The following PTGES3 variants were observed in gnomAD, a reference collection of about 807,000 sequenced individuals.
PTGES3 encodes the protein prostaglandin E synthase 3.
In PTGES3, 5 loss-of-function variants were observed where a neutral mutation model predicts 29.9. That is an observed-to-expected ratio of 0.17 (90% CI 0.09 to 0.35). The LOEUF (loss-of-function observed/expected upper bound fraction) is 0.35, where lower values mean the gene tolerates loss of function less well. Ranked by LOEUF, PTGES3 falls within the 10% of genes least tolerant of loss-of-function variation. The pLI is 1.00. For missense variants in PTGES3, 128 were observed against 190.0 expected, an observed-to-expected ratio of 0.67 and a Z score of 1.92; for synonymous variants, 49 against 57.8, an observed-to-expected ratio of 0.85 and a Z score of 0.69.
At chr12:56,681,542 A>C (rs1336396079) in intron 1 of PTGES3, among the ~76,000 whole-genome samples, 1 of 141,952 alleles carries the variant, frequency 7.0e-6, no homozygotes, top group Non-Finnish European at 1.5e-5. Flanking sequence ...CATCTCAAAA[A>C]AAAAAAAAAA....
In PTGES3 at chr12:56,673,036, C is replaced by T. The variant is rs1259653140; in HGVS notation, c.32G>A (p.Arg11Gln). 9 of 1,607,236 alleles carry T rather than the reference C, an allele frequency of 5.6e-6. No individual in the cohort carries two copies. Among genetic ancestry groups the T allele is most frequent in the Non-Finnish European group, 6.8e-6 (8 of 1,178,358 alleles). MQPASAKWYD[R>Q]RDYVFIEFCV... ...AAATTCAATGAAGACATAGTCCCTT[C>T]GATCGTACCACTTTGCAGAAGCAGG... The change falls in exon 2 of 8, where the codon CGA (arginine) becomes CAA (glutamine). Residue 11 changes from arginine to glutamine, a missense_variant. By Grantham distance (43) the Arg-to-Gln change is conservative. Transcript: ENST00000262033.
At chr12:56,669,805 T>C (rs1031567132) in intron 5 of PTGES3, among the ~76,000 whole-genome samples, 5 of 151,280 alleles carry the variant, frequency 3.3e-5, no homozygotes, top group African/African-American at 1.2e-4. Flanking sequence ...AGAGATGAGG[T>C]TTCACCAAGT....
chr12:56,683,293 G>A (rs1952641402), intron 1 of PTGES3, among the ~76,000 whole-genome samples: 2 of 151,476 alleles, frequency 1.3e-5, no homozygotes, highest in South Asian at 2.1e-4. Context: ...AGACCAGCCT[G>A]ACCAACATGG....
intron 4 of PTGES3, chr12:56,670,607 G>A: frequency 2.1e-6 from 1 of 466,536 alleles, no homozygotes. Context: ...CGCTTCCTGG[G>A]ACAACACCGT....
At chr12:56,678,577 C>T (rs191074111) in intron 1 of PTGES3, among the ~76,000 whole-genome samples, 1 of 152,216 alleles carries the variant, frequency 6.6e-6, no homozygotes, top group Non-Finnish European at 1.5e-5. Context: ...TTCCATCTAG[C>T]TTCTTTGGTG....
chr12:56,678,102 TC>T (rs1241562390), intron 1 of PTGES3, among the ~76,000 whole-genome samples: 2 of 59,844 alleles, frequency 3.3e-5, no homozygotes, highest in Non-Finnish European at 6.2e-5. Context: ...ATTTATGAAC[TC>T]CAGGAACTAC....
intron 1 of PTGES3, among the ~76,000 whole-genome samples, chr12:56,681,084 G>C (rs962289869): frequency 6.6e-6 from 1 of 151,998 alleles, no homozygotes; most frequent in African/African-American, 2.4e-5. Context: ...CCCATTTGTA[G>C]TTGTGTTTTG....
rs758207497 is a variant in PTGES3 at position 56,673,484 on chromosome 12, G to GAAAAAA, written c.3-420_3-419insTTTTTT. ...CCGACTCTACTACAAATACAAATAC[G>GAAAAAA]GAAAAAAAAAAAAAAAAAAAAAAAA... On this transcript the variant is annotated intron_variant, in intron 1 of 7. Coordinates refer to ENST00000262033, the MANE Select transcript of PTGES3 (RefSeq NM_006601.7). Among the ~76,000 whole-genome samples, 102 of 36,844 alleles carry GAAAAAA rather than the reference G, an allele frequency of 2.8e-3. 37 individuals carry two copies. The highest frequency in any genetic ancestry group is 5.3e-3 in the African/African-American group (86 of 16,096). 24.2% of individuals were successfully genotyped at this position (36,844 alleles called of 152,430 possible).
intron 1 of PTGES3, among the ~76,000 whole-genome samples, chr12:56,674,825 CAAAA>C (rs869222252): frequency 0.02 from 318 of 16,044 alleles, 2 homozygotes; most frequent in Admixed American, 0.035. Flanking sequence ...GACTCCATCT[CAAAA>C]AAAAAAAAAA....
rs1282388952 is a variant in PTGES3 at position 56,664,374 on chromosome 12, C to T, written c.*105G>A. On this transcript the variant is annotated 3_prime_UTR_variant, in exon 8 of 8. Coordinates refer to ENST00000262033, the MANE Select transcript of PTGES3 (RefSeq NM_006601.7). The stretch of plus-strand genomic sequence containing the variant: ...AAAAATGGGTTAAAGTAGGCAAATA[C>T]AGCATATCTGCCTTTAGAGCTATCA... The T allele has an allele frequency of 2.3e-6, 3 of 1,322,460 alleles. No homozygotes were observed. Among genetic ancestry groups the T allele is most frequent in the Non-Finnish European group, 3.2e-6 (3 of 943,260 alleles). The allele number at this position is 1,322,460 out of a possible 1,614,324, so 81.9% of individuals were successfully genotyped here.
chr12:56,683,499 A>AAAAAAAAAAAAAAAAAC (rs1952659737), intron 1 of PTGES3, among the ~76,000 whole-genome samples: 1 of 144,854 alleles, frequency 6.9e-6, no homozygotes, highest in Non-Finnish European at 1.5e-5. Flanking sequence ...AAAAAAAAAA[A>AAAAAAAAAAAAAAAAAC]AATTAGCCAG....
intron 1 of PTGES3, among the ~76,000 whole-genome samples, chr12:56,683,963 A>C (rs1026141269): frequency 1.0e-4 from 15 of 146,086 alleles, no homozygotes; most frequent in African/African-American, 2.2e-4. Flanking sequence ...GTCTCAAAAA[A>C]AAAAAAAACA....
chr12:56,670,409 A>G lies in PTGES3; in HGVS notation c.286-45T>C, dbSNP rs766999297. ...TCACCCTAAGATTAGGCTAATTTGC[A>G]TTTGGCATGAACCTTAAGACTACGT... On this transcript the variant is annotated intron_variant, in intron 4 of 7. Coordinates refer to ENST00000262033, the MANE Select transcript of PTGES3 (RefSeq NM_006601.7). The G allele has an allele frequency of 1.4e-5, 19 of 1,391,260 alleles. No individual in the cohort carries two copies. The South Asian group carries it at 2.2e-4, about 16-fold the overall frequency. The allele number at this position is 1,391,260 out of a possible 1,614,324, so 86.2% of individuals were successfully genotyped here.
At chr12:56,683,479 A>AAAAAAAAAAT (rs1191260186) in intron 1 of PTGES3, among the ~76,000 whole-genome samples, 1 of 138,182 alleles carries the variant, frequency 7.2e-6, no homozygotes, top group Non-Finnish European at 1.6e-5. Flanking sequence ...GTCTCAAAAA[A>AAAAAAAAAAT]AAAAAAAAAA....
intron 1 of PTGES3, among the ~76,000 whole-genome samples, chr12:56,679,737 T>C (rs551418026): frequency 6.6e-6 from 1 of 152,104 alleles, no homozygotes; most frequent in Non-Finnish European, 1.5e-5. Flanking sequence ...AACGGTGGCA[T>C]GATCTTGGCT....
rs558892905 is a variant in PTGES3 at position 56,687,837 on chromosome 12, C to A, written c.2+161G>T. The A allele has an allele frequency of 2.7e-6, 4 of 1,471,280 alleles. No individual in the cohort carries two copies. The South Asian group carries it at 5.2e-5, about 19-fold the overall frequency. 91.1% of individuals were successfully genotyped at this position (1,471,280 alleles called of 1,614,324 possible). On this transcript the variant is annotated intron_variant, in intron 1 of 7. Coordinates refer to ENST00000262033, the MANE Select transcript of PTGES3 (RefSeq NM_006601.7). ...CATCTGGAGGAAAAATGTCCTCCAC[C>A]CGCCAACGGTAACCGGAACAAGGAT...
In PTGES3 at chr12:56,664,282, T is replaced by C; in HGVS notation, c.*197A>G. 1.9e-6 allele frequency: 1 copy of C among 532,940 alleles called. No individual in the cohort carries two copies. The highest frequency in any genetic ancestry group is 2.3e-5 in the South Asian group (1 of 42,978). 33.0% of individuals were successfully genotyped at this position (532,940 alleles called of 1,614,324 possible). On this transcript the variant is annotated 3_prime_UTR_variant, in exon 8 of 8. Coordinates refer to ENST00000262033, the MANE Select transcript of PTGES3 (RefSeq NM_006601.7). ...GCATAAGGTTATTGCCTTAGCTGAC[T>C]TAAAATTGCCCCATACAATGGTACA...
chr12:56,666,949 T>C (rs1210721384), intron 5 of PTGES3, among the ~76,000 whole-genome samples: 1 of 150,424 alleles, frequency 6.6e-6, no homozygotes, highest in Non-Finnish European at 1.5e-5. Flanking sequence ...AGATGGAGTC[T>C]TGCTCTGTTG....
At chr12:56,677,605 A>C (rs1246911435) in intron 1 of PTGES3, among the ~76,000 whole-genome samples, 1 of 152,176 alleles carries the variant, frequency 6.6e-6, no homozygotes, top group Admixed American at 6.6e-5. Flanking sequence ...GATACTATAT[A>C]ACTTCTCAAA....
Sources: gnomAD v4.1 joint callset for allele counts (sites outside exome capture counted in the v4.1 genomes callset) on GRCh38, gnomAD v4.1.1 for gene constraint, MANE v1.5 for transcripts, NCBI Gene and HGNC (gene_info 2026-07-23, HGNC 2026-07-21) for gene names.